The following OPCML variants were observed in gnomAD, a reference collection of about 807,000 sequenced individuals.
OPCML encodes the protein opioid binding protein/cell adhesion molecule like.
Under a neutral mutation model 37.8 loss-of-function variants are expected in OPCML, and 13 were observed. That is an observed-to-expected ratio of 0.34 (90% CI 0.22 to 0.55). The LOEUF is 0.55. Ranked by LOEUF, OPCML falls within the 20% of genes least tolerant of loss-of-function variation. OPCML has a pLI of 0.91. For synonymous variants in OPCML, 176 were observed against 168.8 expected, an observed-to-expected ratio of 1.04 and a Z score of -0.33; for missense variants, 341 against 435.6, an observed-to-expected ratio of 0.78 and a Z score of 1.93.
At chr11:133,418,439 T>G in intron 1 of OPCML, 1 of 985,294 alleles carries the variant, frequency 1.0e-6, no homozygotes, top group African/African-American at 1.7e-5. Flanking sequence ...AGAGGGAGTC[T>G]TAAATGACTT....
chr11:132,628,950 A>G (rs1163331712), intron 3 of OPCML, among the ~76,000 whole-genome samples: 2 of 151,872 alleles, frequency 1.3e-5, no homozygotes, highest in Non-Finnish European at 2.9e-5. Flanking sequence ...GCTGAATTAA[A>G]CCTCTTTCCT....
chr11:132,773,078 G>A (rs1591589957), intron 2 of OPCML: 1 of 152,124 alleles, frequency 6.6e-6, no homozygotes, highest in Non-Finnish European at 1.5e-5. Context: ...CCTAGGGAGG[G>A]GCAGAGCGAC....
chr11:132,512,536 A>T (rs1255137480), intron 4 of OPCML, among the ~76,000 whole-genome samples: 2 of 152,012 alleles, frequency 1.3e-5, no homozygotes, highest in African/African-American at 4.8e-5. Context: ...AAAAAACCAC[A>T]CACAACATGA....
intron 1 of OPCML, among the ~76,000 whole-genome samples, chr11:133,526,342 G>T (rs1257857144): frequency 6.6e-6 from 1 of 152,224 alleles, no homozygotes; most frequent in Non-Finnish European, 1.5e-5. Flanking sequence ...AGGCAAGAGG[G>T]AAGACTTGCT....
At chr11:133,418,064 C>G (rs771167880) in intron 1 of OPCML, 2 of 985,338 alleles carry the variant, frequency 2.0e-6, no homozygotes, top group Non-Finnish European at 2.4e-6. Flanking sequence ...TGCTTGAACA[C>G]AGTGCTACTT....
At chr11:132,616,625 AT>A (rs888875580) in intron 3 of OPCML, among the ~76,000 whole-genome samples, 1 of 152,076 alleles carries the variant, frequency 6.6e-6, no homozygotes, top group Non-Finnish European at 1.5e-5. Context: ...ACTTCTCAAA[AT>A]TTTTTCACAG....
At chr11:132,420,416 C>A in intron 7 of OPCML, 123 bp from the exon 8 acceptor site, 1 of 1,432,378 alleles carries the variant, frequency 7.0e-7, no homozygotes, top group Non-Finnish European at 9.1e-7. Flanking sequence ...CATTCCAAGT[C>A]TAAACAAAGG....
intron 3 of OPCML, among the ~76,000 whole-genome samples, chr11:132,557,777 T>A (rs2096399130): frequency 6.6e-6 from 1 of 150,620 alleles, no homozygotes; most frequent in African/African-American, 2.5e-5. Context: ...CATGAGAAGG[T>A]GATAAGTACA....
chr11:132,601,689 T>C (rs576121796), intron 3 of OPCML, among the ~76,000 whole-genome samples: 1 of 152,320 alleles, frequency 6.6e-6, no homozygotes, highest in South Asian at 2.1e-4. Context: ...AGCTAGGTAT[T>C]GGTCCTTGAA....
intron 2 of OPCML, among the ~76,000 whole-genome samples, chr11:132,701,793 TGTG>T (rs1334699974): frequency 6.0e-5 from 7 of 116,016 alleles, no homozygotes; most frequent in African/African-American, 1.1e-4. Flanking sequence ...TGTGTGTGTG[TGTG>T]GTGGTGGTGG....
At chr11:132,921,741 G>A (rs1268942725) in intron 2 of OPCML, among the ~76,000 whole-genome samples, 1 of 152,176 alleles carries the variant, frequency 6.6e-6, no homozygotes, top group Non-Finnish European at 1.5e-5. Context: ...TGTTGTATGA[G>A]AAGGTGATGT....
intron 1 of OPCML, among the ~76,000 whole-genome samples, chr11:132,964,842 A>G (rs912272842): frequency 3.9e-5 from 6 of 152,250 alleles, no homozygotes; most frequent in Admixed American, 1.3e-4. Context: ...TTATACGCCA[A>G]TTTTGAAAAT....
intron 1 of OPCML, among the ~76,000 whole-genome samples, chr11:133,242,108 C>A (rs1036926868): frequency 2.0e-5 from 3 of 152,168 alleles, no homozygotes; most frequent in Non-Finnish European, 2.9e-5. Context: ...CCACTCCTTG[C>A]ATTCTCAGAA....
At chr11:133,452,754 A>C (rs1349330864) in intron 1 of OPCML, among the ~76,000 whole-genome samples, 1 of 151,752 alleles carries the variant, frequency 6.6e-6, no homozygotes, top group Non-Finnish European at 1.5e-5. Context: ...ACCACAGTGG[A>C]CCTTGATGTG....
At chr11:133,013,636 C>T (rs1947262970) in intron 1 of OPCML, among the ~76,000 whole-genome samples, 1 of 152,216 alleles carries the variant, frequency 6.6e-6, no homozygotes, top group Admixed American at 6.5e-5. Context: ...AAAAGTGCCA[C>T]TTATTCTACC....
At chr11:132,845,606 A>G (rs898086007) in intron 2 of OPCML, among the ~76,000 whole-genome samples, 1 of 152,162 alleles carries the variant, frequency 6.6e-6, no homozygotes, top group African/African-American at 2.4e-5. Context: ...ATAATATTCG[A>G]GTTCCCAAAA....
chr11:132,432,703 G>A (rs1412791650), intron 7 of OPCML, among the ~76,000 whole-genome samples: 1 of 152,102 alleles, frequency 6.6e-6, no homozygotes, highest in Non-Finnish European at 1.5e-5. Context: ...CTTGTATTAG[G>A]TCCTAGGGAT....
intron 3 of OPCML, among the ~76,000 whole-genome samples, chr11:132,577,878 A>G (rs2096454295): frequency 6.6e-6 from 1 of 152,160 alleles, no homozygotes; most frequent in Non-Finnish European, 1.5e-5. Context: ...TACCAATCTT[A>G]GTGTTTAGAA....
chr11:133,422,759 T>C, intron 1 of OPCML: 1 of 923,804 alleles, frequency 1.1e-6, no homozygotes, highest in Non-Finnish European at 1.3e-6. Flanking sequence ...AAATAATGTA[T>C]TAATAATAAA....
Sources: allele counts gnomAD v4.1 joint callset (sites outside exome capture counted in the v4.1 genomes callset), GRCh38; gene constraint gnomAD v4.1.1; transcripts MANE v1.5; gene names NCBI Gene and HGNC (gene_info 2026-07-23, HGNC 2026-07-21).